The following PCSK5 variants were observed in gnomAD, a reference collection of about 807,000 sequenced individuals.
PCSK5 encodes the protein prohormone convertase 5.
PCSK5 carries 129 observed loss-of-function variants against 233.2 expected under a neutral mutation model. The observed-to-expected ratio is 0.55, with a 90% CI of 0.48 to 0.64. PCSK5 has a LOEUF of 0.64. Among genes scored for constraint, PCSK5 ranks in the 30% least tolerant of loss-of-function variants. PCSK5 has a pLI of 0.00. For synonymous variants in PCSK5, 825 were observed against 879.2 expected (o/e 0.94, Z 1.09); for missense variants, 2,076 against 2,430.1 (o/e 0.85, Z 3.06).
chr9:76,175,100 C>G lies in PCSK5; in HGVS notation c.1871C>G (p.Thr624Arg). ...RFRYSRVEDP[T>R]DDYGTEDYAG... ...CGCTATAGCCGAGTTGAAGACCCCA[C>G]AGACGACTATGGCACAGAGGATTAT... The change falls in exon 14 of 38, where the codon ACA (threonine) becomes AGA (arginine). Residue 624 changes from threonine to arginine, a missense_variant. Coordinates refer to ENST00000674117, the MANE Select transcript of PCSK5 (RefSeq NM_001372043.1). 2 of 1,614,152 alleles carry G rather than the reference C, an allele frequency of 1.2e-6. No homozygotes were observed. Among genetic ancestry groups the G allele is most frequent in the Admixed American group, 1.7e-5 (1 of 60,018 alleles).
At chr9:76,071,536 T>C (rs1830480886) in intron 6 of PCSK5, among the ~76,000 whole-genome samples, 190 bp from the exon 7 acceptor site, 1 of 152,180 alleles carries the variant, frequency 6.6e-6, no homozygotes, top group African/African-American at 2.4e-5. Flanking sequence ...CTCTTTTATA[T>C]ACAATATGAC....
chr9:76,202,903 C>T (rs888473724), intron 20 of PCSK5, among the ~76,000 whole-genome samples: 4 of 151,844 alleles, frequency 2.6e-5, no homozygotes, highest in African/African-American at 7.3e-5. Flanking sequence ...ATGTCGTGAA[C>T]CTGGTAAAAT....
intron 31 of PCSK5, among the ~76,000 whole-genome samples, chr9:76,322,415 TC>T (rs1279772112): frequency 1.3e-5 from 2 of 152,164 alleles, no homozygotes; most frequent in African/African-American, 4.8e-5. Flanking sequence ...TTTTTTTCCC[TC>T]AGGAATTATC....
chr9:76,107,894 G>C (rs1246523388), intron 9 of PCSK5, among the ~76,000 whole-genome samples: 1 of 152,136 alleles, frequency 6.6e-6, no homozygotes, highest in Non-Finnish European at 1.5e-5. Flanking sequence ...AAATAAATAG[G>C]TCCTCATCTC....
chr9:75,952,752 G>C (rs181846242), intron 2 of PCSK5, among the ~76,000 whole-genome samples: 1 of 152,246 alleles, frequency 6.6e-6, no homozygotes, highest in Admixed American at 6.5e-5. Context: ...TTTGCACTTA[G>C]CATAATGCCT....
intron 24 of PCSK5, chr9:76,287,858 C>T (rs7024402): frequency 0.03 from 6,252 of 211,800 alleles, 429 homozygotes; most frequent in African/African-American, 0.14. Context: ...CTTCAGGCTT[C>T]TGCAGGTTCG....
chr9:75,973,587 T>A (rs1825891660), intron 2 of PCSK5, among the ~76,000 whole-genome samples: 1 of 152,216 alleles, frequency 6.6e-6, no homozygotes, highest in African/African-American at 2.4e-5. Flanking sequence ...GCCTCCTGGA[T>A]CTCCGGGAAA....
intron 3 of PCSK5, among the ~76,000 whole-genome samples, chr9:76,016,607 T>C (rs1264056338): frequency 6.6e-6 from 1 of 152,216 alleles, no homozygotes; most frequent in Non-Finnish European, 1.5e-5. Flanking sequence ...GGTAATATAG[T>C]GGAAACCAGT....
chr9:76,071,171 T>C (rs1313498167), intron 6 of PCSK5, among the ~76,000 whole-genome samples: 1 of 152,198 alleles, frequency 6.6e-6, no homozygotes, highest in Non-Finnish European at 1.5e-5. Flanking sequence ...TTTGAAATGT[T>C]ACATCCACAG....
chr9:76,057,832 C>CTTTTT (rs36017305), intron 5 of PCSK5, among the ~76,000 whole-genome samples: 37 of 67,072 alleles, frequency 5.5e-4, no homozygotes, highest in African/African-American at 1.5e-3. Context: ...TATTCAGGGG[C>CTTTTT]TTTTTTTTTT....
At chr9:76,109,320 T>C (rs1424137896) in intron 9 of PCSK5, among the ~76,000 whole-genome samples, 1 of 152,150 alleles carries the variant, frequency 6.6e-6, no homozygotes, top group Non-Finnish European at 1.5e-5. Context: ...TCCTCTACCA[T>C]GCTCCCCCTC....
intron 5 of PCSK5, among the ~76,000 whole-genome samples, chr9:76,059,973 AAAGT>A (rs1473813660): frequency 6.6e-6 from 1 of 152,178 alleles, no homozygotes; most frequent in Non-Finnish European, 1.5e-5. Context: ...TTTTTTAAGA[AAAGT>A]AAAAAGTTAT....
At position 76,358,950 on chromosome 9, in the gene PCSK5, T is replaced by G; in HGVS notation, c.*28T>G. The G allele has an allele frequency of 6.3e-7, 1 of 1,593,882 alleles. No individual in the cohort carries two copies. The highest frequency in any genetic ancestry group is 1.1e-5 in the South Asian group (1 of 89,204). On this transcript the variant is annotated 3_prime_UTR_variant, in exon 38 of 38. Transcript: ENST00000674117. ...AGGCACTCCCCCACCAACACCACCA[T>G]TCCACTCTCAGGCATGCCTGTGAGC...
intron 24 of PCSK5, among the ~76,000 whole-genome samples, chr9:76,282,189 C>CTCACTGCA (rs953290161): frequency 1.8e-4 from 21 of 115,148 alleles, no homozygotes; most frequent in African/African-American, 6.4e-4. Context: ...GTGATCATAG[C>CTCACTGCA]TCACTGCAGC....
Position 76,332,565 on chromosome 9 carries a change from G to A in PCSK5, c.4703G>A (p.Gly1568Asp). ...AGGCAGTGCCACTCCTGCCGACCGGGCTGGTTCCAGCTAGGAAAAGAGTGC... is the reference window on the plus strand; with the variant it reads ...AGGCAGTGCCACTCCTGCCGACCGGACTGGTTCCAGCTAGGAAAAGAGTGC... ...HSRQCHSCRP[G>D]WFQLGKECLL... is the part of the protein sequence containing the mutation. Residue 1568 changes from glycine to aspartate, a missense_variant, in exon 34 of 38, where the codon GGC becomes GAC. Physicochemically the swap from Gly to Asp is moderately conservative, Grantham distance 94 (BLOSUM62 -1). Coordinates refer to ENST00000674117, the MANE Select transcript of PCSK5 (RefSeq NM_001372043.1). 1 of 1,608,230 alleles carries A rather than the reference G, an allele frequency of 6.2e-7. No homozygotes were observed. The highest frequency in any genetic ancestry group is 8.5e-7 in the Non-Finnish European group (1 of 1,177,488).
chr9:76,322,956 C>A, intron 31 of PCSK5, 96 bp from the exon 32 acceptor site: 1 of 696,508 alleles, frequency 1.4e-6, no homozygotes, highest in Non-Finnish European at 2.5e-6. Flanking sequence ...CAGGTCAAAT[C>A]AACCAAAGTG....
At chr9:75,911,937 T>G (rs1409166208) in intron 1 of PCSK5, among the ~76,000 whole-genome samples, 1 of 152,218 alleles carries the variant, frequency 6.6e-6, no homozygotes, top group African/African-American at 2.4e-5. Flanking sequence ...TAGAGATATA[T>G]ATTTCATCTC....
chr9:76,033,578 T>A (rs904650083), intron 5 of PCSK5, among the ~76,000 whole-genome samples: 4 of 151,916 alleles, frequency 2.6e-5, no homozygotes, highest in African/African-American at 7.3e-5. Flanking sequence ...AAACATGCAA[T>A]TGTGGAAAAA....
intron 33 of PCSK5, among the ~76,000 whole-genome samples, chr9:76,331,138 C>A (rs7871389): frequency 0.094 from 14,334 of 152,024 alleles, 760 homozygotes; most frequent in Non-Finnish European, 0.13. Flanking sequence ...TGTCCCACAC[C>A]ACCACACCAC....
Sources: allele counts gnomAD v4.1 joint callset (sites outside exome capture counted in the v4.1 genomes callset), GRCh38; gene constraint gnomAD v4.1.1; transcripts MANE v1.5; gene names NCBI Gene and HGNC (gene_info 2026-07-23, HGNC 2026-07-21).